ATP6V1C2: variants seen among roughly 807,000 people sequenced by gnomAD.
ATP6V1C2 encodes ATPase H+ transporting V1 subunit C2.
ATP6V1C2 carries 45 observed loss-of-function variants against 56.8 expected under a neutral mutation model. The observed-to-expected ratio is 0.79, with a 90% CI of 0.62 to 1.02. ATP6V1C2 has a LOEUF of 1.02. Ranked by LOEUF, ATP6V1C2 falls within the 50% of genes least tolerant of loss-of-function variation. The pLI, the probability that ATP6V1C2 is intolerant of heterozygous loss-of-function variation, is 0.00. For missense variants in ATP6V1C2, 463 were observed against 519.7 expected, an observed-to-expected ratio of 0.89 and a Z score of 1.06; for synonymous variants, 220 against 201.3, an observed-to-expected ratio of 1.09 and a Z score of -0.79.
chr2:10,733,224 A>C (rs1464449667), intron 3 of ATP6V1C2, among the ~76,000 whole-genome samples: 1 of 152,160 alleles, frequency 6.6e-6, no homozygotes, highest in Non-Finnish European at 1.5e-5. Flanking sequence ...TTTCTAGTCC[A>C]GGGGTCAGGG....
intron 4 of ATP6V1C2, among the ~76,000 whole-genome samples, chr2:10,762,246 A>G (rs1663956180): frequency 6.6e-6 from 1 of 151,514 alleles, no homozygotes; most frequent in Non-Finnish European, 1.5e-5. Context: ...CCTGGGTTCA[A>G]GCGATTCTTC....
chr2:10,759,986 G>C (rs1572568055), intron 4 of ATP6V1C2, among the ~76,000 whole-genome samples: 2 of 149,308 alleles, frequency 1.3e-5, no homozygotes, highest in Non-Finnish European at 3.0e-5. Context: ...TCATTGGCTT[G>C]TGGTGAAATC....
At chr2:10,757,626 C>G (rs569611910) in intron 4 of ATP6V1C2, among the ~76,000 whole-genome samples, 2 of 152,300 alleles carry the variant, frequency 1.3e-5, no homozygotes, top group East Asian at 3.9e-4. Context: ...TAACCACCAT[C>G]TCATCCCCTC....
At chr2:10,730,374 C>T (rs1415472172) in intron 3 of ATP6V1C2, among the ~76,000 whole-genome samples, 2 of 152,156 alleles carry the variant, frequency 1.3e-5, no homozygotes, top group African/African-American at 2.4e-5. Context: ...CTTCAGCCTC[C>T]CAAAGTGTTG....
intron 3 of ATP6V1C2, among the ~76,000 whole-genome samples, chr2:10,741,249 A>G (rs543936746): frequency 6.6e-6 from 1 of 152,192 alleles, no homozygotes; most frequent in South Asian, 2.1e-4. Context: ...GGAGCCTCCT[A>G]GTGAGCCTCA....
rs555346934 is a variant in ATP6V1C2, at chr2:10,763,406, G to A, written c.284-925G>A. Among the ~76,000 whole-genome samples, 2 of 152,238 alleles carry A rather than the reference G, an allele frequency of 1.3e-5. No individual in the cohort carries two copies. Among genetic ancestry groups the A allele is most frequent in the East Asian group, 3.9e-4 (2 of 5,158 alleles). ...TATCACTGGGCCCCCAGCTCTCTGC[G>A]GTGTGTCTGCCTAGGGGTCTCCCTG... On this transcript the variant is annotated intron_variant, in intron 4 of 13. Coordinates refer to ENST00000272238, the MANE Select transcript of ATP6V1C2 (RefSeq NM_001039362.2). This position sits in a 1 kb window ranked among gnomAD's most constrained non-coding sequence, Gnocchi z 4.2.
chr2:10,735,039 C>A (rs946936291), intron 3 of ATP6V1C2, among the ~76,000 whole-genome samples: 7 of 151,846 alleles, frequency 4.6e-5, no homozygotes, highest in Non-Finnish European at 7.4e-5. Context: ...GAGCCGTGAT[C>A]GAGCCATTGC....
rs541511029 is a variant in ATP6V1C2 at position 10,726,029 on chromosome 2, G to A, written c.130-473G>A. Among the ~76,000 whole-genome samples, 8 of 152,114 alleles carry A rather than the reference G, an allele frequency of 5.3e-5. No homozygotes were observed. In the East Asian group the frequency reaches 9.8e-4, roughly 19 times the overall value. The stretch of plus-strand genomic sequence containing the variant: ...CAGGAGGCGGAGGTTGAGGTGAGCC[G>A]AGATCGTGCCATTTCACTCCAGCCT... On this transcript the variant is annotated intron_variant, in intron 2 of 13. Transcript: ENST00000272238.
rs374696981 is a variant in ATP6V1C2, at chr2:10,768,735, A to G, written c.395A>G (p.Glu132Gly). 7 of 1,614,064 alleles carry G rather than the reference A, an allele frequency of 4.3e-6. No individual in the cohort carries two copies. The East Asian group carries it at 1.1e-4, about 26-fold the overall frequency. ...CCAAAACAGCAACTGGCGCAGATCGAGATGGACCTGAAGTCCCGAACGGCC... is the reference window on the plus strand; with the variant it reads ...CCAAAACAGCAACTGGCGCAGATCGGGATGGACCTGAAGTCCCGAACGGCC... Reference protein sequence around the residue: ...DTIAKQLAQIEMDLKSRTAAY... With the variant: ...DTIAKQLAQIGMDLKSRTAAY... The change falls in exon 6 of 14, where the codon GAG (glutamate) becomes GGG (glycine). Residue 132 changes from glutamate (E) to glycine (G), a missense_variant. Physicochemically the swap from Glu to Gly is moderately conservative, Grantham distance 98. Coordinates refer to ENST00000272238, the MANE Select transcript of ATP6V1C2 (RefSeq NM_001039362.2).
rs772317013 is a variant in ATP6V1C2 at position 10,783,290 on chromosome 2, T to C, written c.*27T>C. 2.4e-5 allele frequency: 36 copies of C among 1,487,450 alleles called. No homozygotes were observed. The highest frequency in any genetic ancestry group is 1.0e-4 in the Admixed American group (6 of 59,752). The allele number at this position is 1,487,450 out of a possible 1,614,324, so 92.1% of individuals were successfully genotyped here. The stretch of plus-strand genomic sequence containing the variant: ...AAGGCCAGCTGGCACCTCTGTCTCA[T>C]GTTCGTGCAGATTATTACAGACACC... On this transcript the variant is annotated 3_prime_UTR_variant, in exon 14 of 14. Coordinates refer to ENST00000272238, the MANE Select transcript of ATP6V1C2 (RefSeq NM_001039362.2).
intron 10 of ATP6V1C2, among the ~76,000 whole-genome samples, chr2:10,777,300 G>A (rs988853504): frequency 6.6e-6 from 1 of 152,210 alleles, no homozygotes; most frequent in African/African-American, 2.4e-5. Context: ...TCCTGGCTGA[G>A]CCCAAGCAAG....
At chr2:10,725,101 G>A (rs1661567774) in intron 2 of ATP6V1C2, among the ~76,000 whole-genome samples, 1 of 151,830 alleles carries the variant, frequency 6.6e-6, no homozygotes, top group African/African-American at 2.4e-5. Context: ...TTTGGACATT[G>A]TAGTAATTTC....
intron 6 of ATP6V1C2, among the ~76,000 whole-genome samples, 195 bp from the exon 7 acceptor site, chr2:10,771,644 C>T (rs1016237130): frequency 1.3e-5 from 2 of 152,166 alleles, no homozygotes; most frequent in African/African-American, 2.4e-5. Context: ...AGCTGTGGCC[C>T]CAGCACAGAG....
chr2:10,729,655 A>T (rs1438648852), intron 3 of ATP6V1C2, among the ~76,000 whole-genome samples: 1 of 152,232 alleles, frequency 6.6e-6, no homozygotes, highest in African/African-American at 2.4e-5. Context: ...CAATAGTTTG[A>T]GAAGAGCCTG....
At chr2:10,732,890 G>T (rs1226034502) in intron 3 of ATP6V1C2, among the ~76,000 whole-genome samples, 1 of 150,858 alleles carries the variant, frequency 6.6e-6, no homozygotes, top group Non-Finnish European at 1.5e-5. Flanking sequence ...AGAATTGCTT[G>T]AAACCAGGAG....
intron 13 of ATP6V1C2, 35 bp downstream of exon 13, chr2:10,782,410 A>T (rs1665420578): frequency 6.2e-7 from 1 of 1,607,150 alleles, no homozygotes; most frequent in African/African-American, 1.3e-5. Context: ...TTCTACAGTA[A>T]GCTCAGCATC....
At position 10,778,625 on chromosome 2, in the gene ATP6V1C2, G is replaced by C. The variant is rs779074752; in HGVS notation, c.1017G>C (p.Trp339Cys). Residue 339 changes from tryptophan to cysteine, a missense_variant, in exon 12 of 14, where the codon TGG becomes TGC. Coordinates refer to ENST00000272238, the MANE Select transcript of ATP6V1C2 (RefSeq NM_001039362.2). ...KVNFSEAFIA[W>C]IHIKALRVFV... is the part of the protein sequence containing the mutation. ...ACTTCAGTGAAGCCTTCATTGCCTGGATCCACATCAAGGCCCTGAGAGTGT... is the reference window on the plus strand; with the variant it reads ...ACTTCAGTGAAGCCTTCATTGCCTGCATCCACATCAAGGCCCTGAGAGTGT... 4 of 1,614,224 alleles carry C rather than the reference G, an allele frequency of 2.5e-6. No homozygotes were observed. The highest frequency in any genetic ancestry group is 1.7e-5 in the Admixed American group (1 of 60,024).
At chr2:10,765,635 G>A (rs181481503) in intron 5 of ATP6V1C2, among the ~76,000 whole-genome samples, 16 of 152,358 alleles carry the variant, frequency 1.1e-4, no homozygotes, top group Admixed American at 8.5e-4. Context: ...CCCCTGCTGG[G>A]ACGATCAGGC....
chr2:10,772,677 A>G, intron 8 of ATP6V1C2, 67 bp downstream of exon 8: 1 of 1,356,106 alleles, frequency 7.4e-7, no homozygotes, highest in Non-Finnish European at 1.1e-6. Context: ...AGGGCACCCA[A>G]CCACCAAACA....
Sources: gnomAD v4.1 joint callset for allele counts (sites outside exome capture counted in the v4.1 genomes callset) on GRCh38, gnomAD v4.1.1 for gene constraint, Gnocchi (gnomAD v3.1) non-coding constraint, MANE v1.5 for transcripts, NCBI Gene and HGNC (gene_info 2026-07-23, HGNC 2026-07-21) for gene names.